Variants in FRMD1 observed in about 807,000 individuals in gnomAD.
FRMD1 encodes FERM domain-containing protein 1.
A neutral mutation model predicts 54.9 loss-of-function variants in FRMD1; 51 were observed. The observed-to-expected ratio is 0.93, with a 90% CI of 0.74 to 1.17. FRMD1 has a LOEUF of 1.17. Among genes scored for constraint, FRMD1 ranks in the 50% most tolerant of loss-of-function variants. The probability of loss-of-function intolerance (pLI) is 0.00; values close to 1 mark genes in which losing one functional copy is unlikely to be tolerated. For missense variants in FRMD1, 729 were observed against 743.0 expected (o/e 0.98, Z 0.22); for synonymous variants, 324 against 306.4 (o/e 1.06, Z -0.60).
In FRMD1 at chr6:168,063,742, CCT is replaced by C. The variant is rs1562413064; in HGVS notation, c.661_662del (p.Arg221GlyfsTer3). ...TGTGCCGGAGGATGTAGTCAATCCC[CCT>C]CTTGGTGATGATCTGAGGACAGAGC... Reference protein sequence around the residue: ...SYFPQWIITKRGIDYILRHMP... With the variant: ...SYFPQWIITKXGIDYILRHMP... On this transcript the variant is annotated frameshift_variant, in exon 6 of 11. Coordinates refer to ENST00000283309, the MANE Select transcript of FRMD1 (RefSeq NM_024919.6). LOFTEE classifies it high-confidence loss of function. 1 of 1,612,754 alleles carries C rather than the reference CCT, an allele frequency of 6.2e-7. No individual in the cohort carries two copies. The highest frequency in any genetic ancestry group is 1.7e-5 in the Admixed American group (1 of 59,902).
rs41266317 is a variant in FRMD1, at chr6:168,079,179, C to T, written c.-85G>A. The T allele has an allele frequency of 0.1, 149,039 of 1,427,964 alleles. 7,811 individuals are homozygous for T. Among genetic ancestry groups the T allele is most frequent in the East Asian group, 0.14 (5,682 of 39,600 alleles). The allele number at this position is 1,427,964 out of a possible 1,614,324, so 88.5% of individuals were successfully genotyped here. A position where few individuals can be genotyped will look rare whatever the true frequency, so the allele number is the denominator to read the frequency against. ...GATCACAGCTGTGCTTTCCGGGACC[C>T]GCCCTTGCCGAGCTTCTCACTGGGA... On this transcript the variant is annotated 5_prime_UTR_variant, in exon 1 of 11. Transcript: ENST00000283309.
chr6:168,088,024 CT>C (rs1190930827), intron 1 of FRMD1, among the ~76,000 whole-genome samples: 3 of 152,230 alleles, frequency 2.0e-5, no homozygotes, highest in Non-Finnish European at 4.4e-5. Flanking sequence ...CTCTCAGCCC[CT>C]GGGACCCTGC....
chr6:168,074,242 C>T (rs541923313), intron 2 of FRMD1, among the ~76,000 whole-genome samples: 12 of 152,278 alleles, frequency 7.9e-5, no homozygotes, highest in South Asian at 6.2e-4. Flanking sequence ...CTCCACCTGC[C>T]GTCTGCGTGT....
chr6:168,087,214 G>A (rs1339371246), intron 1 of FRMD1, among the ~76,000 whole-genome samples: 1 of 152,088 alleles, frequency 6.6e-6, no homozygotes, highest in Non-Finnish European at 1.5e-5. Context: ...CCACAGGCGG[G>A]AGCCACCATG....
chr6:168,084,184 C>T (rs1215244731), upstream of FRMD1, among the ~76,000 whole-genome samples: 1 of 152,132 alleles, frequency 6.6e-6, no homozygotes, highest in East Asian at 1.9e-4. Flanking sequence ...TTGGAAACAG[C>T]TCACCCCTGG....
chr6:168,062,664 C>T lies in FRMD1; in HGVS notation c.870+230G>A, dbSNP rs570718154. 10 of 1,550,394 alleles carry T rather than the reference C, an allele frequency of 6.4e-6. No individual in the cohort carries two copies. In the East Asian group the frequency reaches 1.5e-4, roughly 23 times the overall value. ...TTCCAGGGCACGGGGACCCCCCAGA[C>T]ACCCACCAGAAATGCCAGCTTCCCA... On this transcript the variant is annotated intron_variant, in intron 7 of 10. Coordinates refer to ENST00000283309, the MANE Select transcript of FRMD1 (RefSeq NM_024919.6).
At chr6:168,080,849 G>T (rs1452397435), upstream of FRMD1, among the ~76,000 whole-genome samples, 1 of 151,848 alleles carries the variant, frequency 6.6e-6, no homozygotes, top group Non-Finnish European at 1.5e-5. Flanking sequence ...GCTGGTGTGT[G>T]TGGGCGCTGG....
chr6:168,060,757 C>T lies in FRMD1; in HGVS notation c.1342+4G>A, dbSNP rs1799678109. 1.9e-6 allele frequency: 3 copies of T among 1,604,130 alleles called. No homozygotes were observed. Among genetic ancestry groups the T allele is most frequent in the African/African-American group, 2.7e-5 (2 of 74,760 alleles). On this transcript the variant is annotated splice_donor_region_variant and intron_variant, in intron 9 of 10. Coordinates refer to ENST00000283309, the MANE Select transcript of FRMD1 (RefSeq NM_024919.6). ...TGAGGCCTGGGCATCTCCCTCGGGC[C>T]CACCTTGGCTGTCACCACGTGTGCT...
At chr6:168,057,897 G>A (rs1463408378) in intron 10 of FRMD1, among the ~76,000 whole-genome samples, 1 of 152,238 alleles carries the variant, frequency 6.6e-6, no homozygotes, top group Non-Finnish European at 1.5e-5. Flanking sequence ...GGTGGCAGGT[G>A]GCAGGGGCAG....
At chr6:168,092,172 T>C in intron 1 of FRMD1, among the ~76,000 whole-genome samples, 1 of 152,256 alleles carries the variant, frequency 6.6e-6, no homozygotes, top group African/African-American at 2.4e-5. Context: ...CCCCGTCTGC[T>C]CTGAGGCTTG....
chr6:168,083,577 A>G (rs191285807), upstream of FRMD1, among the ~76,000 whole-genome samples: 133 of 152,334 alleles, frequency 8.7e-4, no homozygotes, highest in African/African-American at 3.1e-3. Context: ...ACTCCATGGG[A>G]GGAGGGCGTG....
chr6:168,054,008 G>C lies in FRMD1; in HGVS notation c.*3089C>G, dbSNP rs964460136. 6.6e-6 allele frequency: 1 copy of C among 152,336 alleles called. No individual in the cohort carries two copies. The highest frequency in any genetic ancestry group is 2.4e-5 in the African/African-American group (1 of 41,390). The allele number at this position is 152,336 out of a possible 1,614,324, so 9.4% of individuals were successfully genotyped here. A position where few individuals can be genotyped will look rare whatever the true frequency, so the allele number is the denominator to read the frequency against. On this transcript the variant is annotated 3_prime_UTR_variant, in exon 11 of 11. Coordinates refer to ENST00000283309, the MANE Select transcript of FRMD1 (RefSeq NM_024919.6). ...TCTCCATCTTCCGTGAGGGAGGCTG[G>C]GCTGATGGCTGAGGGCCCAGAGGAG...
upstream of FRMD1, chr6:168,079,241 C>A (rs988558174): frequency 1.4e-5 from 19 of 1,395,438 alleles, no homozygotes; most frequent in Admixed American, 3.1e-4. Context: ...GGGAATCCAG[C>A]ATGGCCAAGC....
chr6:168,078,391 G>A (rs769868124), intron 1 of FRMD1, among the ~76,000 whole-genome samples: 3 of 152,136 alleles, frequency 2.0e-5, no homozygotes, highest in Non-Finnish European at 4.4e-5. Context: ...ACGTCTATCA[G>A]GGATGTTTCC....
At chr6:168,087,611 C>T (rs879352251) in intron 1 of FRMD1, among the ~76,000 whole-genome samples, 12 of 152,228 alleles carry the variant, frequency 7.9e-5, no homozygotes, top group South Asian at 4.1e-4. Context: ...CTCTGACCTG[C>T]GTGGACTGGC....
chr6:168,060,642 G>A (rs993469930), intron 9 of FRMD1, 119 bp downstream of exon 9: 38 of 993,908 alleles, frequency 3.8e-5, no homozygotes, highest in South Asian at 6.6e-5. Flanking sequence ...AGCCCCTCAC[G>A]TCTGGCCACT....
Position 168,065,048 on chromosome 6 carries a change from C to T in FRMD1, c.471G>A (p.Arg157=). The T allele has an allele frequency of 6.2e-6, 10 of 1,600,042 alleles. No individual in the cohort carries two copies. Among genetic ancestry groups the T allele is most frequent in the Non-Finnish European group, 8.5e-6 (10 of 1,170,906 alleles). ...AGTGGCAGTAGTACAGGTGCCGTGCCCTGTGGTCGCTGGAAGGTGGCAGGG... is the reference window on the plus strand; with the variant it reads ...AGTGGCAGTAGTACAGGTGCCGTGCTCTGTGGTCGCTGGAAGGTGGCAGGG... The part of the protein sequence containing the change: ...VENGRVISDH[R]ARHLYYCHLK... The change falls in exon 5 of 11, where the codon AGG becomes AGA. Residue 157 remains arginine, a synonymous_variant. Coordinates refer to ENST00000283309, the MANE Select transcript of FRMD1 (RefSeq NM_024919.6).
chr6:168,078,691 C>T (rs1176262637), intron 1 of FRMD1, among the ~76,000 whole-genome samples, 191 bp downstream of exon 1: 1 of 144,510 alleles, frequency 6.9e-6, no homozygotes, highest in Non-Finnish European at 1.5e-5. Context: ...TGCTCACCCC[C>T]ACAGCCCTGC....
At chr6:168,080,103 G>A (rs1041608872), upstream of FRMD1, among the ~76,000 whole-genome samples, 5 of 152,168 alleles carry the variant, frequency 3.3e-5, no homozygotes, top group African/African-American at 1.2e-4. Context: ...CTGGACCTCC[G>A]GACGGGCCGT....
Sources: gnomAD v4.1 joint callset for allele counts (sites outside exome capture counted in the v4.1 genomes callset) on GRCh38, gnomAD v4.1.1 for gene constraint, MANE v1.5 for transcripts, NCBI Gene and HGNC (gene_info 2026-07-23, HGNC 2026-07-21) for gene names.